MDGA1: variants seen among roughly 807,000 people sequenced by gnomAD.
MDGA1 encodes MAM domain-containing glycosylphosphatidylinositol anchor protein 1.
In MDGA1, 54 loss-of-function variants were observed where a neutral mutation model predicts 101.5. The observed-to-expected ratio is 0.53, with a 90% confidence interval of 0.43 to 0.67. The LOEUF (loss-of-function observed/expected upper bound fraction) is 0.67. MDGA1 is among the 30% of genes least tolerant of loss of function. MDGA1 has a pLI of 0.00. For missense variants in MDGA1, 1,083 were observed against 1,323.8 expected (o/e 0.82, Z 2.82); for synonymous variants, 533 against 558.3 (o/e 0.95, Z 0.64).
chr6:37,657,788 G>C (rs1761525108), intron 3 of MDGA1, among the ~76,000 whole-genome samples: 1 of 152,142 alleles, frequency 6.6e-6, no homozygotes, highest in Admixed American at 6.5e-5. Context: ...GCTAGGACCT[G>C]GGGAGTGGGG....
intron 3 of MDGA1, 82 bp downstream of exon 3, chr6:37,658,163 C>A: frequency 1.4e-6 from 2 of 1,419,358 alleles, no homozygotes; most frequent in South Asian, 2.9e-5. Flanking sequence ...ATGCCCACTT[C>A]CCCACCTCAC....
At position 37,658,236 on chromosome 6, in the gene MDGA1, T is replaced by G. The variant is rs747526167; in HGVS notation, c.382+9A>C. ...TCAGGGCCCGGGGAGAGAGGGGGCC[T>G]CAACTCACACTGCACGTCCACGCGG... On this transcript the variant is annotated intron_variant, in intron 3 of 16. Transcript: ENST00000434837. The G allele has an allele frequency of 5.8e-5, 91 of 1,572,078 alleles. No individual in the cohort carries two copies. Among genetic ancestry groups the G allele is most frequent in the Non-Finnish European group, 6.9e-5 (80 of 1,157,114 alleles).
chr6:37,666,612 G>A (rs183349242), intron 1 of MDGA1, among the ~76,000 whole-genome samples: 3 of 152,304 alleles, frequency 2.0e-5, no homozygotes, highest in Admixed American at 6.5e-5. Flanking sequence ...CAGGATTCTT[G>A]TCTTTCTGCC....
In MDGA1 at chr6:37,696,125, G is replaced by A. The variant is rs1561868608; in HGVS notation, c.67+620C>T. Reference sequence around the variant, plus strand: ...GTGTGTGCGCGCAGGAAGGAAGGTGGGGTTGGGGTTTGTAGCCAAGAACCG... The same window carrying A: ...GTGTGTGCGCGCAGGAAGGAAGGTGAGGTTGGGGTTTGTAGCCAAGAACCG... On this transcript the variant is annotated intron_variant, in intron 1 of 16. Coordinates refer to ENST00000434837, the MANE Select transcript of MDGA1 (RefSeq NM_153487.4). The surrounding 1 kb of genome is among the most constrained non-coding windows in gnomAD (Gnocchi z 5.6). Among the ~76,000 whole-genome samples the A allele has an allele frequency of 6.6e-6, 1 of 152,172 alleles. No homozygotes were observed. Among genetic ancestry groups the A allele is most frequent in the Non-Finnish European group, 1.5e-5 (1 of 68,020 alleles).
chr6:37,656,251 T>G (rs1377302192), intron 3 of MDGA1, among the ~76,000 whole-genome samples: 2 of 151,782 alleles, frequency 1.3e-5, no homozygotes, highest in African/African-American at 4.8e-5. Context: ...CTAATTTTTG[T>G]ATTTTTAGTA....
At position 37,654,856 on chromosome 6, in the gene MDGA1, C is replaced by T. The variant is rs1278827575; in HGVS notation, c.656G>A (p.Arg219His). ...CTTGTCTGGGATGCCGCACACGTTACGCACAGACACCTGGCAGGTGTAGCT... is the reference window on the plus strand; with the variant it reads ...CTTGTCTGGGATGCCGCACACGTTATGCACAGACACCTGGCAGGTGTAGCT... ...YASYTCQVSV[R>H]NVCGIPDKAI... Residue 219 changes from arginine (R) to histidine (H), a missense_variant, in exon 5 of 17, where the codon CGT becomes CAT. Physicochemically the swap from Arg to His is conservative, Grantham distance 29. Coordinates refer to ENST00000434837, the MANE Select transcript of MDGA1 (RefSeq NM_153487.4). 3 of 1,613,816 alleles carry T rather than the reference C, an allele frequency of 1.9e-6. No individual in the cohort carries two copies. Among genetic ancestry groups the T allele is most frequent in the East Asian group, 2.2e-5 (1 of 44,874 alleles).
intron 1 of MDGA1, among the ~76,000 whole-genome samples, chr6:37,666,468 G>T (rs928541218): frequency 1.3e-5 from 2 of 152,050 alleles, no homozygotes; most frequent in Non-Finnish European, 2.9e-5. Context: ...ATAAGATAAA[G>T]CCTGTACAGA....
In MDGA1 at chr6:37,638,677, G is replaced by C. The variant is rs375312380; in HGVS notation, c.2537-10C>G. ...AGGAGGTTGAGGGAGCCTGCGGTGGGTGTGAAGACAGTGGGCAGTGAGATC... is the reference window on the plus strand; with the variant it reads ...AGGAGGTTGAGGGAGCCTGCGGTGGCTGTGAAGACAGTGGGCAGTGAGATC... On this transcript the variant is annotated splice_polypyrimidine_tract_variant and intron_variant, in intron 14 of 16. Transcript: ENST00000434837. The surrounding 1 kb of genome is among the most constrained non-coding windows in gnomAD (Gnocchi z 4.8). 6.2e-7 allele frequency: 1 copy of C among 1,609,580 alleles called. No homozygotes were observed. Among genetic ancestry groups the C allele is most frequent in the African/African-American group, 1.3e-5 (1 of 74,830 alleles).
chr6:37,643,102 C>T (rs1003351921), intron 14 of MDGA1, among the ~76,000 whole-genome samples: 10 of 152,160 alleles, frequency 6.6e-5, no homozygotes, highest in South Asian at 2.1e-4. Context: ...AAATGCTTGA[C>T]GTCTCTGAGT....
chr6:37,678,487 C>G (rs1210078536), intron 1 of MDGA1, among the ~76,000 whole-genome samples: 1 of 152,164 alleles, frequency 6.6e-6, no homozygotes, highest in African/African-American at 2.4e-5. Context: ...CTCCTCTGCT[C>G]TCCCTGTCAT....
intron 1 of MDGA1, among the ~76,000 whole-genome samples, chr6:37,692,822 C>G (rs971277962): frequency 6.6e-6 from 1 of 152,100 alleles, no homozygotes; most frequent in African/African-American, 2.4e-5. Flanking sequence ...TGCCCACCCC[C>G]TCAAGGATGC....
At chr6:37,681,658 C>T (rs757816435) in intron 1 of MDGA1, among the ~76,000 whole-genome samples, 1 of 152,264 alleles carries the variant, frequency 6.6e-6, no homozygotes, top group Non-Finnish European at 1.5e-5. Context: ...TGTGCACTTG[C>T]ACGAGGCAGA....
chr6:37,650,974 G>C (rs1044994747), intron 7 of MDGA1, among the ~76,000 whole-genome samples: 2 of 152,236 alleles, frequency 1.3e-5, no homozygotes, highest in Non-Finnish European at 2.9e-5. Context: ...GCGTTTAAAA[G>C]AAGCTGTACC....
chr6:37,650,540 C>T, intron 7 of MDGA1, 135 bp from the exon 8 acceptor site: 2 of 944,522 alleles, frequency 2.1e-6, no homozygotes, highest in South Asian at 2.4e-5. Flanking sequence ...CGACTGGTCC[C>T]CCAGTATTTC....
At position 37,696,861 on chromosome 6, in the gene MDGA1, G is replaced by A. The variant is rs1361956616; in HGVS notation, c.-50C>T. The A allele has an allele frequency of 7.3e-6, 11 of 1,507,614 alleles. No homozygotes were observed. The highest frequency in any genetic ancestry group is 9.9e-6 in the Non-Finnish European group (11 of 1,108,434). The allele number at this position is 1,507,614 out of a possible 1,614,324, so 93.4% of individuals were successfully genotyped here. On this transcript the variant is annotated 5_prime_UTR_variant, in exon 1 of 17. Coordinates refer to ENST00000434837, the MANE Select transcript of MDGA1 (RefSeq NM_153487.4). This position sits in a 1 kb window ranked among gnomAD's most constrained non-coding sequence, Gnocchi z 5.6. ...GCGAGGCGGCGCAGCCCGAGAGGCGGCGGGGGGCGCATTCGCCGGGGCCCC... is the reference window on the plus strand; with the variant it reads ...GCGAGGCGGCGCAGCCCGAGAGGCGACGGGGGGCGCATTCGCCGGGGCCCC...
intron 1 of MDGA1, among the ~76,000 whole-genome samples, chr6:37,689,314 G>A (rs1025937203): frequency 1.3e-4 from 20 of 152,248 alleles, no homozygotes; most frequent in African/African-American, 4.3e-4. Flanking sequence ...ATCCAGATGT[G>A]CAAATCTACC....
chr6:37,682,683 G>A (rs774784959), intron 1 of MDGA1, among the ~76,000 whole-genome samples: 10 of 152,158 alleles, frequency 6.6e-5, no homozygotes, highest in Non-Finnish European at 1.3e-4. Flanking sequence ...CGCTGGCTCT[G>A]TCACTTTATA....
intron 14 of MDGA1, among the ~76,000 whole-genome samples, chr6:37,642,992 G>T (rs1176632745): frequency 6.6e-6 from 1 of 152,204 alleles, no homozygotes; most frequent in Non-Finnish European, 1.5e-5. Context: ...CACTTGGGAA[G>T]CAGGACTTCC....
chr6:37,637,269 G>T lies in MDGA1; in HGVS notation c.*99C>A. On this transcript the variant is annotated 3_prime_UTR_variant, in exon 17 of 17. Transcript: ENST00000434837. ...GCCCCCTCCCTGGCGGGCCGGCCCT[G>T]CCCCTGGGCACCCCAGCTGGCGGGG... is the stretch of plus-strand genomic sequence containing the variant. 1.0e-6 allele frequency: 1 copy of T among 988,824 alleles called. No individual in the cohort carries two copies. The allele number at this position is 988,824 out of a possible 1,614,324, so 61.3% of individuals were successfully genotyped here. A position where few individuals can be genotyped will look rare whatever the true frequency, so the allele number is the denominator to read the frequency against.
Sources: gnomAD v4.1 joint callset for allele counts (sites outside exome capture counted in the v4.1 genomes callset) on GRCh38, gnomAD v4.1.1 for gene constraint, Gnocchi (gnomAD v3.1) non-coding constraint, MANE v1.5 for transcripts, NCBI Gene and HGNC (gene_info 2026-07-23, HGNC 2026-07-21) for gene names.